The following KCNMA1 variants were observed in gnomAD, a reference collection of about 807,000 sequenced individuals.
The protein encoded by KCNMA1 is potassium calcium-activated channel subfamily M alpha 1.
Under a neutral mutation model 140.0 loss-of-function variants are expected in KCNMA1, and 29 were observed. The observed-to-expected ratio is 0.21, with a 90% CI of 0.15 to 0.28. The LOEUF (loss-of-function observed/expected upper bound fraction) is 0.28, where lower values mean the gene tolerates loss of function less well. KCNMA1 is among the 10% of genes least tolerant of loss of function. KCNMA1 has a pLI of 1.00. For missense variants in KCNMA1, 880 were observed against 1,602.2 expected (o/e 0.55, Z 7.70); for synonymous variants, 612 against 611.9 (o/e 1.00, Z 0.00).
At chr10:77,035,090 A>G (rs571441341) in intron 15 of KCNMA1, among the ~76,000 whole-genome samples, 6 of 152,296 alleles carry the variant, frequency 3.9e-5, no homozygotes, top group African/African-American at 1.4e-4. Context: ...TCCCCCAAAA[A>G]AATCACAAGT....
chr10:76,920,980 C>CA (rs960913869), intron 23 of KCNMA1, among the ~76,000 whole-genome samples: 1 of 152,328 alleles, frequency 6.6e-6, no homozygotes, highest in Non-Finnish European at 1.5e-5. Flanking sequence ...GGGGGAAACA[C>CA]AAAGTACTTT....
rs1423498919 is a variant in KCNMA1 at position 77,418,053 on chromosome 10, T to C, written c.379-14030A>G. On this transcript the variant is annotated intron_variant, in intron 1 of 27. Transcript: ENST00000286628. ...AACTTCAGCCTCTATGTCCCTGGGT[T>C]CCCACACACCCTAGTTTGGATCTAG... 3.9e-5 allele frequency among the ~76,000 whole-genome samples: 6 copies of C among 152,130 alleles called. No homozygotes were observed. The East Asian group carries it at 1.2e-3, about 29-fold the overall frequency.
intron 1 of KCNMA1, among the ~76,000 whole-genome samples, chr10:77,465,338 T>A (rs996576689): frequency 6.6e-6 from 1 of 152,198 alleles, no homozygotes; most frequent in Non-Finnish European, 1.5e-5. Flanking sequence ...GGTGTTTTAA[T>A]GCAAATGGTA....
intron 2 of KCNMA1, among the ~76,000 whole-genome samples, chr10:77,305,038 C>G (rs956829015): frequency 2.6e-5 from 4 of 152,168 alleles, no homozygotes; most frequent in African/African-American, 9.6e-5. Context: ...TGGGGCTGAA[C>G]CTGAGAATCT....
chr10:77,529,500 A>C (rs1174302998), intron 1 of KCNMA1, among the ~76,000 whole-genome samples: 1 of 152,172 alleles, frequency 6.6e-6, no homozygotes, highest in Non-Finnish European at 1.5e-5. Flanking sequence ...CATGCTAGAC[A>C]GAGCTCCCCA....
intron 1 of KCNMA1, among the ~76,000 whole-genome samples, chr10:77,623,581 T>C (rs2091920020): frequency 6.6e-6 from 1 of 151,748 alleles, no homozygotes; most frequent in South Asian, 2.1e-4. Flanking sequence ...TGCATGTCTG[T>C]AATCCCAGTT....
intron 3 of KCNMA1, among the ~76,000 whole-genome samples, chr10:77,200,664 T>C (rs370313254): frequency 1.3e-5 from 2 of 150,626 alleles, no homozygotes; most frequent in East Asian, 1.9e-4. Flanking sequence ...CCCACCCTAG[T>C]AAGAAGCTGT....
At chr10:77,029,877 A>C (rs940190227) in intron 15 of KCNMA1, among the ~76,000 whole-genome samples, 1 of 152,144 alleles carries the variant, frequency 6.6e-6, no homozygotes, top group African/African-American at 2.4e-5. Flanking sequence ...TAGGTCAGGA[A>C]ATGAGGGGGG....
At chr10:77,457,357 G>A (rs900262589) in intron 1 of KCNMA1, among the ~76,000 whole-genome samples, 1 of 152,128 alleles carries the variant, frequency 6.6e-6, no homozygotes, top group Non-Finnish European at 1.5e-5. Context: ...TGCATTTGGT[G>A]GCATCTCCAG....
intron 2 of KCNMA1, among the ~76,000 whole-genome samples, chr10:77,267,132 C>G (rs968507988): frequency 6.6e-6 from 1 of 152,152 alleles, no homozygotes; most frequent in Non-Finnish European, 1.5e-5. Context: ...TAACATTGCT[C>G]TCACAGAACC....
Position 77,637,589 on chromosome 10 carries a change from G to C in KCNMA1, c.54C>G (p.Gly18=), listed in dbSNP as rs1043608536. Residue 18 remains glycine, a synonymous_variant, in exon 1 of 28, where the codon GGC becomes GGG. Transcript: ENST00000286628. ...GGGSSGGGGG[G]GGSSLRMSSN... ...TACTCATTCTAAGACTGCTGCCTCC[G>C]CCGCCGCCGCCGCCGCCGCTGCTGC... is the stretch of plus-strand genomic sequence containing the variant. 7 of 1,443,828 alleles carry C rather than the reference G, an allele frequency of 4.8e-6. No individual in the cohort carries two copies. The highest frequency in any genetic ancestry group is 5.6e-6 in the Non-Finnish European group (6 of 1,080,676). 89.4% of individuals were successfully genotyped at this position (1,443,828 alleles called of 1,614,324 possible).
At chr10:77,263,280 C>T (rs1348180197) in intron 2 of KCNMA1, among the ~76,000 whole-genome samples, 4 of 152,140 alleles carry the variant, frequency 2.6e-5, no homozygotes, top group Non-Finnish European at 5.9e-5. Context: ...CCCGCCTTTC[C>T]CTTGCACTGC....
intron 23 of KCNMA1, among the ~76,000 whole-genome samples, chr10:76,928,462 A>T (rs992208375): frequency 5.9e-5 from 9 of 152,146 alleles, no homozygotes; most frequent in African/African-American, 2.2e-4. Flanking sequence ...GTTGTCAGGG[A>T]GTAGAATGGT....
At chr10:77,060,761 T>C (rs1595012909) in intron 14 of KCNMA1, among the ~76,000 whole-genome samples, 1 of 152,210 alleles carries the variant, frequency 6.6e-6, no homozygotes, top group South Asian at 2.1e-4. Flanking sequence ...GGGCTCTAAA[T>C]GTAATCTCTA....
intron 12 of KCNMA1, 154 bp from the exon 13 acceptor site, chr10:77,079,704 T>C: frequency 1.5e-6 from 1 of 681,074 alleles, no homozygotes; most frequent in East Asian, 2.7e-5. Flanking sequence ...CCAGACAAAA[T>C]TGAAGACTAG....
chr10:77,250,853 C>G, intron 3 of KCNMA1: 1 of 307,968 alleles, frequency 3.2e-6, no homozygotes, highest in Non-Finnish European at 6.2e-6. Flanking sequence ...AAACTGTCAC[C>G]CTCCCAGAAG....
intron 1 of KCNMA1, among the ~76,000 whole-genome samples, chr10:77,490,678 G>C (rs2098521686): frequency 6.6e-6 from 1 of 152,186 alleles, no homozygotes; most frequent in African/African-American, 2.4e-5. Flanking sequence ...TAGGCAGTTT[G>C]CCTAAAGTCA....
intron 2 of KCNMA1, among the ~76,000 whole-genome samples, chr10:77,256,876 G>A (rs2060877936): frequency 6.6e-6 from 1 of 152,112 alleles, no homozygotes; most frequent in Non-Finnish European, 1.5e-5. Context: ...GGCCAAGGCA[G>A]GAAGATTGCT....
chr10:76,993,342 T>C (rs1593017604), intron 19 of KCNMA1, among the ~76,000 whole-genome samples: 1 of 152,130 alleles, frequency 6.6e-6, no homozygotes, highest in Admixed American at 6.5e-5. Context: ...TAGTCCTGGG[T>C]CAGGGGTCAG....
Sources: gnomAD v4.1 joint callset for allele counts (sites outside exome capture counted in the v4.1 genomes callset) on GRCh38, gnomAD v4.1.1 for gene constraint, MANE v1.5 for transcripts, NCBI Gene and HGNC (gene_info 2026-07-23, HGNC 2026-07-21) for gene names.